Variants in GPHN observed in about 807,000 individuals in gnomAD.
The protein encoded by GPHN is gephyrin.
Under a neutral mutation model 95.5 loss-of-function variants are expected in GPHN, and 17 were observed. The observed-to-expected ratio is 0.18, with a 90% CI of 0.12 to 0.27. The LOEUF (loss-of-function observed/expected upper bound fraction) is 0.27. Among genes scored for constraint, GPHN ranks in the 10% least tolerant of loss-of-function variants. GPHN has a pLI of 1.00. For missense variants in GPHN, 660 were observed against 978.1 expected, an observed-to-expected ratio of 0.67 and a Z score of 4.34; for synonymous variants, 320 against 322.5, an observed-to-expected ratio of 0.99 and a Z score of 0.08.
intron 12 of GPHN, among the ~76,000 whole-genome samples, chr14:67,098,207 C>T (rs2077497420): frequency 6.6e-6 from 1 of 152,042 alleles, no homozygotes; most frequent in African/African-American, 2.4e-5. Flanking sequence ...AACAGGTTGG[C>T]ACTGCACTAA....
chr14:67,509,918 G>A, the GPHN span, among the ~76,000 whole-genome samples: 1 of 152,176 alleles, frequency 6.6e-6, no homozygotes, highest in South Asian at 2.1e-4. Flanking sequence ...GCTGAGGCAG[G>A]AGGATCACTT....
the GPHN span, among the ~76,000 whole-genome samples, chr14:67,412,410 G>C: frequency 6.6e-6 from 1 of 152,164 alleles, no homozygotes; most frequent in Non-Finnish European, 1.5e-5. Flanking sequence ...GGCACTTAGC[G>C]CATTGCCCTC....
intron 1 of GPHN, among the ~76,000 whole-genome samples, chr14:66,667,219 A>G (rs1028390200): frequency 1.3e-5 from 2 of 152,214 alleles, no homozygotes; most frequent in Non-Finnish European, 2.9e-5. Flanking sequence ...GCCCAAAGCA[A>G]TTTATAAATT....
At chr14:67,300,041 G>C in the GPHN span, among the ~76,000 whole-genome samples, 1 of 152,056 alleles carries the variant, frequency 6.6e-6, no homozygotes, top group Non-Finnish European at 1.5e-5. Flanking sequence ...GGGTCTTAAA[G>C]CCTTAAAGCC....
intron 4 of GPHN, among the ~76,000 whole-genome samples, chr14:66,868,536 G>A (rs1022476393): frequency 6.6e-6 from 1 of 152,012 alleles, no homozygotes; most frequent in Admixed American, 6.6e-5. Flanking sequence ...TGGAACTACA[G>A]GGGCATGCCA....
chr14:66,552,038 G>T (rs1261666104), intron 1 of GPHN, among the ~76,000 whole-genome samples: 1 of 152,128 alleles, frequency 6.6e-6, no homozygotes, highest in East Asian at 1.9e-4. Context: ...TCCCAGCCTG[G>T]TTAAGAGGGA....
In GPHN at chr14:66,546,576, C is replaced by T. The variant is rs532985044; in HGVS notation, c.64+37985C>T. On this transcript the variant is annotated intron_variant, in intron 1 of 22. Coordinates refer to ENST00000478722, the MANE Select transcript of GPHN (RefSeq NM_020806.5). ...CTCACGGTTAGGAGCTGGAGACCAG[C>T]CCGTCCAACACAGCGAAACCCCGTC... Among the ~76,000 whole-genome samples, 9 of 152,274 alleles carry T rather than the reference C, an allele frequency of 5.9e-5. 1 individual carries two copies. Among genetic ancestry groups the T allele is most frequent in the Non-Finnish European group, 1.2e-4 (8 of 68,022 alleles).
chr14:67,507,211 A>G, the GPHN span, among the ~76,000 whole-genome samples: 1 of 151,970 alleles, frequency 6.6e-6, no homozygotes, highest in East Asian at 1.9e-4. Flanking sequence ...AGGTGCTAAT[A>G]TAGGTGGTGC....
the GPHN span, among the ~76,000 whole-genome samples, chr14:67,357,916 G>C: frequency 2.0e-5 from 3 of 152,200 alleles, no homozygotes; most frequent in African/African-American, 7.2e-5. Context: ...CAAAGAAATG[G>C]CTCTCAAAGA....
At chr14:67,051,098 G>T (rs1026137161) in intron 10 of GPHN, among the ~76,000 whole-genome samples, 2 of 152,218 alleles carry the variant, frequency 1.3e-5, no homozygotes, top group Admixed American at 1.3e-4. Context: ...TAGGGGAGGG[G>T]GCGGCTGCCA....
chr14:67,662,676 C>T, the GPHN span: 5 of 758,420 alleles, frequency 6.6e-6, no homozygotes, highest in Non-Finnish European at 1.0e-5. Flanking sequence ...GAGGCCAAGG[C>T]AGGTGGATCA....
At chr14:67,170,852 C>T (rs577646645) in intron 21 of GPHN, among the ~76,000 whole-genome samples, 19 of 152,330 alleles carry the variant, frequency 1.2e-4, no homozygotes, top group African/African-American at 3.8e-4. Flanking sequence ...TTCCTTGAAA[C>T]GTGATAAGTC....
the GPHN span, chr14:67,584,147 G>T: frequency 6.2e-7 from 1 of 1,609,792 alleles, no homozygotes; most frequent in Non-Finnish European, 8.5e-7. Context: ...GGAAGGAGCT[G>T]CCCACACCCT....
chr14:67,336,104 T>TACTCAGG, the GPHN span: 1 of 152,302 alleles, frequency 6.6e-6, no homozygotes, highest in East Asian at 1.9e-4. Flanking sequence ...TATGTAATAA[T>TACTCAGG]ACTCAGGCAA....
chr14:66,668,432 C>A (rs1367241048), intron 1 of GPHN, among the ~76,000 whole-genome samples: 1 of 152,160 alleles, frequency 6.6e-6, no homozygotes, highest in Non-Finnish European at 1.5e-5. Context: ...ACACATACAC[C>A]ATGGAATATA....
chr14:67,044,622 T>G (rs1160859343), intron 10 of GPHN, among the ~76,000 whole-genome samples: 1 of 152,178 alleles, frequency 6.6e-6, no homozygotes, highest in East Asian at 1.9e-4. Context: ...TTTCCAGAAC[T>G]CCATGAGTGC....
the GPHN span, among the ~76,000 whole-genome samples, chr14:67,246,809 G>A: frequency 1.4e-4 from 22 of 151,994 alleles, no homozygotes; most frequent in African/African-American, 1.4e-4. Context: ...GCACCACCAC[G>A]CCCAGCTAAT....
At chr14:67,419,916 G>A in the GPHN span, among the ~76,000 whole-genome samples, 1 of 152,124 alleles carries the variant, frequency 6.6e-6, no homozygotes, top group Non-Finnish European at 1.5e-5. Flanking sequence ...CCCCAGAGCG[G>A]GTGCTTTTTT....
At chr14:67,297,735 G>A in the GPHN span, among the ~76,000 whole-genome samples, 1 of 152,072 alleles carries the variant, frequency 6.6e-6, no homozygotes, top group Non-Finnish European at 1.5e-5. Context: ...AAAGGTAAAG[G>A]AGACATCAAG....
Sources: allele counts gnomAD v4.1 joint callset (sites outside exome capture counted in the v4.1 genomes callset), GRCh38; gene constraint gnomAD v4.1.1; transcripts MANE v1.5; gene names NCBI Gene and HGNC (gene_info 2026-07-23, HGNC 2026-07-21).